ADAMTS6: variants seen among roughly 807,000 people sequenced by gnomAD.
ADAMTS6 encodes the protein A disintegrin and metalloproteinase with thrombospondin motifs 6.
A neutral mutation model predicts 144.3 loss-of-function variants in ADAMTS6; 23 were observed. The observed-to-expected ratio is 0.16, with a 90% CI of 0.11 to 0.23. ADAMTS6 has a LOEUF of 0.23. Among genes scored for constraint, ADAMTS6 ranks in the 10% least tolerant of loss-of-function variants. The pLI is 1.00. For missense variants in ADAMTS6, 999 were observed against 1,379.6 expected (o/e 0.72, Z 4.37); for synonymous variants, 444 against 457.5 (o/e 0.97, Z 0.38).
chr5:65,329,279 T>C (rs1346312248), intron 9 of ADAMTS6, 99 bp downstream of exon 9: 1 of 980,880 alleles, frequency 1.0e-6, no homozygotes. Context: ...GACAAAAAGG[T>C]AGTAAAATAA....
At chr5:65,467,085 A>T (rs1281859247) in intron 3 of ADAMTS6, among the ~76,000 whole-genome samples, 2 of 151,994 alleles carry the variant, frequency 1.3e-5, no homozygotes, top group Non-Finnish European at 2.9e-5. Context: ...AGAAAAAGAG[A>T]AAGAACTTTT....
chr5:65,314,464 G>C, intron 9 of ADAMTS6, among the ~76,000 whole-genome samples: 1 of 151,940 alleles, frequency 6.6e-6, no homozygotes, highest in East Asian at 1.9e-4. Context: ...AAAGAGAAGG[G>C]AGCAGAAAAG....
At chr5:65,291,207 A>T (rs1365056865) in intron 11 of ADAMTS6, 122 bp downstream of exon 11, 12 of 1,204,328 alleles carry the variant, frequency 1.0e-5, no homozygotes, top group African/African-American at 1.5e-5. Flanking sequence ...GCAGTGTCAA[A>T]AGCCATATTT....
At chr5:65,233,941 A>G (rs1758456771) in intron 15 of ADAMTS6, among the ~76,000 whole-genome samples, 1 of 152,026 alleles carries the variant, frequency 6.6e-6, no homozygotes, top group South Asian at 2.1e-4. Context: ...AAGTAGAGCA[A>G]TGGGACAAAT....
chr5:65,260,760 C>A (rs1323319323), intron 13 of ADAMTS6, 97 bp from the exon 14 acceptor site: 3 of 810,784 alleles, frequency 3.7e-6, no homozygotes, highest in Admixed American at 2.7e-5. Context: ...AGTTTACTTT[C>A]AAAAAATATA....
chr5:65,291,509 A>G (rs1297101287), intron 10 of ADAMTS6, 39 bp from the exon 11 acceptor site: 1 of 1,563,372 alleles, frequency 6.4e-7, no homozygotes, highest in East Asian at 2.3e-5. Context: ...TAGGTATTCT[A>G]TGGGCTATTT....
At chr5:65,194,885 G>A (rs1034152840) in intron 21 of ADAMTS6, among the ~76,000 whole-genome samples, 2 of 152,094 alleles carry the variant, frequency 1.3e-5, no homozygotes, top group African/African-American at 4.8e-5. Flanking sequence ...TCCTTAAACT[G>A]TTAAAAAACA....
At chr5:65,259,456 G>A (rs1239942615) in intron 14 of ADAMTS6, among the ~76,000 whole-genome samples, 2 of 152,088 alleles carry the variant, frequency 1.3e-5, no homozygotes, top group African/African-American at 4.8e-5. Context: ...AAGCATTAAT[G>A]TAAAAGAACA....
At chr5:65,353,046 A>G (rs1159663984) in intron 7 of ADAMTS6, among the ~76,000 whole-genome samples, 1 of 152,040 alleles carries the variant, frequency 6.6e-6, no homozygotes, top group Non-Finnish European at 1.5e-5. Flanking sequence ...AGATCTTTAT[A>G]TGAATGAATG....
intron 7 of ADAMTS6, among the ~76,000 whole-genome samples, chr5:65,357,080 G>C (rs893247807): frequency 3.3e-5 from 5 of 151,490 alleles, no homozygotes; most frequent in South Asian, 2.1e-4. Context: ...ATAAATAATA[G>C]AATTTACTGG....
rs143410831 is a variant in ADAMTS6, at chr5:65,188,199, C to T, written c.2727G>A (p.Leu909=). The T allele has an allele frequency of 6.2e-7, 1 of 1,613,964 alleles. No homozygotes were observed. Among genetic ancestry groups the T allele is most frequent in the Admixed American group, 1.7e-5 (1 of 60,020 alleles). Residue 909 remains leucine (L), a synonymous_variant, in exon 22 of 25, where the codon TTG becomes TTA. Transcript: ENST00000381055. ...CACCATCACAAGTCTTGCTGCATTCCAACCAATCCCCAATGAACCACCTGC... is the reference window on the plus strand; with the variant it reads ...CACCATCACAAGTCTTGCTGCATTCTAACCAATCCCCAATGAACCACCTGC... ...CPPEWFIGDW[L]ECSKTCDGGM... is the part of the protein sequence containing the mutation.
At chr5:65,466,505 A>T (rs894329458) in intron 3 of ADAMTS6, among the ~76,000 whole-genome samples, 73 of 152,232 alleles carry the variant, frequency 4.8e-4, no homozygotes, top group African/African-American at 1.7e-3. Context: ...ACTAGAATAC[A>T]AGCTATATGA....
In ADAMTS6 at chr5:65,215,369, T is replaced by C; in HGVS notation, c.2391A>G (p.Glu797=). ...FHYKRPTDEP[E]SLEALGPTSE... ...AGGTAGGACCTAGAGCTTCCAAGGA[T>C]TCTGGTTCATCAGTTGGTCTCTTGT... The change falls in exon 19 of 25, where the codon GAA becomes GAG. Residue 797 remains glutamate, a synonymous_variant. Coordinates refer to ENST00000381055, the MANE Select transcript of ADAMTS6 (RefSeq NM_197941.4). The C allele has an allele frequency of 6.2e-7, 1 of 1,614,124 alleles. No individual in the cohort carries two copies. The highest frequency in any genetic ancestry group is 8.5e-7 in the Non-Finnish European group (1 of 1,179,974).
At chr5:65,446,018 CA>C (rs1278792881) in intron 7 of ADAMTS6, among the ~76,000 whole-genome samples, 1 of 152,062 alleles carries the variant, frequency 6.6e-6, no homozygotes, top group Non-Finnish European at 1.5e-5. Context: ...GTCCACATAC[CA>C]AAATTAATTC....
At chr5:65,468,027 C>G (rs1174019596) in intron 3 of ADAMTS6, among the ~76,000 whole-genome samples, 1 of 151,646 alleles carries the variant, frequency 6.6e-6, no homozygotes, top group African/African-American at 2.4e-5. Context: ...TTTTTTCGCA[C>G]TGAGAAAAAG....
At chr5:65,309,462 T>TG (rs1273815990) in intron 9 of ADAMTS6, among the ~76,000 whole-genome samples, 14 of 4,128 alleles carry the variant, frequency 3.4e-3, no homozygotes, top group Admixed American at 0.024. Context: ...AATGTGGCAG[T>TG]GGGGGGGTGG....
In ADAMTS6 at chr5:65,149,945, G is replaced by A. The variant is rs1445284341; in HGVS notation, c.*1891C>T. 2 of 152,476 alleles carry A rather than the reference G, an allele frequency of 1.3e-5. No homozygotes were observed. Among genetic ancestry groups the A allele is most frequent in the African/African-American group, 2.4e-5 (1 of 41,426 alleles). The allele number at this position is 152,476 out of a possible 1,614,324, so 9.4% of individuals were successfully genotyped here. Reference sequence around the variant, plus strand: ...CTCTCTCTGGAAGGCTCAGGGTTGAGAACTGTGGTGTTGAGAGAGAAAGCA... The same window carrying A: ...CTCTCTCTGGAAGGCTCAGGGTTGAAAACTGTGGTGTTGAGAGAGAAAGCA... On this transcript the variant is annotated 3_prime_UTR_variant, in exon 25 of 25. Coordinates refer to ENST00000381055, the MANE Select transcript of ADAMTS6 (RefSeq NM_197941.4).
intron 7 of ADAMTS6, among the ~76,000 whole-genome samples, chr5:65,346,958 A>C (rs1385904935): frequency 6.6e-6 from 1 of 151,812 alleles, no homozygotes; most frequent in Non-Finnish European, 1.5e-5. Flanking sequence ...TACCATTAAA[A>C]AAAAAAACCT....
rs183221269 is a variant in ADAMTS6 at position 65,256,129 on chromosome 5, G to A, written c.1830+4471C>T. Among the ~76,000 whole-genome samples, 18 of 152,238 alleles carry A rather than the reference G, an allele frequency of 1.2e-4. No individual in the cohort carries two copies. The East Asian group carries it at 2.1e-3, about 18-fold the overall frequency. On this transcript the variant is annotated intron_variant, in intron 14 of 24. Transcript: ENST00000381055. ...TAGCTAGACTGTCGAGCTCTGTACCGTCCTATATGGTTGCCACCAGCCACA... is the reference window on the plus strand; with the variant it reads ...TAGCTAGACTGTCGAGCTCTGTACCATCCTATATGGTTGCCACCAGCCACA...
Sources: allele counts gnomAD v4.1 joint callset (sites outside exome capture counted in the v4.1 genomes callset), GRCh38; gene constraint gnomAD v4.1.1; transcripts MANE v1.5; gene names NCBI Gene and HGNC (gene_info 2026-07-23, HGNC 2026-07-21).